MED12L: variants seen among roughly 807,000 people sequenced by gnomAD.
MED12L encodes the protein mediator complex subunit 12L, also known as mediator of RNA polymerase II transcription subunit 12-like protein.
MED12L carries 60 observed loss-of-function variants against 281.3 expected under a neutral mutation model. The ratio of observed to expected loss-of-function variants is 0.21; its 90% CI spans 0.17 to 0.26. The LOEUF (loss-of-function observed/expected upper bound fraction) is 0.26. Ranked by LOEUF, MED12L falls within the 10% of genes least tolerant of loss-of-function variation. The pLI is 1.00. For synonymous variants in MED12L, 974 were observed against 987.2 expected (o/e 0.99, Z 0.25); for missense variants, 2,146 against 2,680.9 (o/e 0.80, Z 4.41).
At chr3:151,174,399 T>C (rs2149024291) in intron 11 of MED12L, among the ~76,000 whole-genome samples, 1 of 152,342 alleles carries the variant, frequency 6.6e-6, no homozygotes, top group Middle Eastern at 3.4e-3. Flanking sequence ...AGAATCATTT[T>C]TTGTTAAAGT....
chr3:151,309,108 A>G (rs73869191), intron 16 of MED12L, among the ~76,000 whole-genome samples: 1,437 of 141,522 alleles, frequency 0.01, 21 homozygotes, highest in African/African-American at 0.038. Context: ...AACTCATTTC[A>G]TGAAATACAC....
rs532094759 is a variant in MED12L, at chr3:151,166,758, C to A, written c.1494+776C>A. Among the ~76,000 whole-genome samples, 26 of 152,098 alleles carry A rather than the reference C, an allele frequency of 1.7e-4. 1 individual carries two copies. Among genetic ancestry groups the A allele is most frequent in the African/African-American group, 6.3e-4 (26 of 41,494 alleles). ...TGGTGCAATCTCGGCTCACTGCAAC[C>A]TCTGCCTCCTGGGTTCAAGTGATTT... On this transcript the variant is annotated intron_variant, in intron 11 of 44. Coordinates refer to ENST00000687756, the MANE Select transcript of MED12L (RefSeq NM_001393769.1).
intron 16 of MED12L, chr3:151,337,034 A>C (rs966257535): frequency 6.6e-6 from 1 of 152,250 alleles, no homozygotes; most frequent in Non-Finnish European, 1.5e-5. Flanking sequence ...GCTAATTAAT[A>C]AAGGTAAGTG....
At chr3:151,330,037 A>G (rs576834769) in intron 16 of MED12L, among the ~76,000 whole-genome samples, 8 of 152,176 alleles carry the variant, frequency 5.3e-5, no homozygotes, top group African/African-American at 1.9e-4. Context: ...GGTGAAGACT[A>G]TTAGATCCAG....
intron 16 of MED12L, among the ~76,000 whole-genome samples, chr3:151,320,612 TCTGCTTTACACGAA>T (rs1445200218): frequency 1.1e-4 from 17 of 152,168 alleles, no homozygotes; most frequent in Non-Finnish European, 2.1e-4. Flanking sequence ...ATCTATCAGG[TCTGCTTTACACGAA>T]ACACCTTTTT....
chr3:151,333,137 A>G (rs946113227), intron 16 of MED12L, among the ~76,000 whole-genome samples: 3 of 152,202 alleles, frequency 2.0e-5, no homozygotes, highest in African/African-American at 4.8e-5. Context: ...TTCTTTATCC[A>G]GTATACCAAT....
intron 17 of MED12L, 99 bp downstream of exon 17, chr3:151,350,305 G>A (rs1031215816): frequency 1.3e-4 from 156 of 1,160,532 alleles, no homozygotes; most frequent in Middle Eastern, 8.8e-4. Context: ...TCAACAGAGC[G>A]TTTCCCCTCC....
intron 2 of MED12L, among the ~76,000 whole-genome samples, chr3:151,106,916 A>G (rs551348530): frequency 6.6e-6 from 1 of 152,144 alleles, no homozygotes; most frequent in East Asian, 1.9e-4. Context: ...TATTTAAAGT[A>G]TGTCTTTATA....
chr3:151,244,835 T>G lies in MED12L; in HGVS notation c.2250+51169T>G, dbSNP rs888371833. ...AAAATTAATGAATCCAGGAGCTGGT[T>G]TTTTTGAAAGGATCAACAAAATTGA... On this transcript the variant is annotated intron_variant, in intron 16 of 44. Transcript: ENST00000687756. Among the ~76,000 whole-genome samples the G allele has an allele frequency of 3.9e-5, 6 of 152,204 alleles. No individual in the cohort carries two copies. In the East Asian group the frequency reaches 1.2e-3, roughly 29 times the overall value.
chr3:151,092,131 T>C (rs1385636550), intron 2 of MED12L, among the ~76,000 whole-genome samples: 1 of 152,178 alleles, frequency 6.6e-6, no homozygotes, highest in African/African-American at 2.4e-5. Context: ...GCCTCTCTCT[T>C]CTTCCAACAG....
At position 151,299,557 on chromosome 3, in the gene MED12L, C is replaced by A. The variant is rs182141273; in HGVS notation, c.2251-50502C>A. On this transcript the variant is annotated intron_variant, in intron 16 of 44. Transcript: ENST00000687756. The stretch of plus-strand genomic sequence containing the variant: ...ACAGTGGTGCGATCTCAGCTCACTG[C>A]AACCTCTGTCTGCTGGGTTCAAGCG... Among the ~76,000 whole-genome samples the A allele has an allele frequency of 4.4e-4, 67 of 151,422 alleles. 1 individual carries two copies. Among genetic ancestry groups the A allele is most frequent in the Admixed American group, 4.1e-3 (62 of 15,122 alleles).
intron 5 of MED12L, among the ~76,000 whole-genome samples, chr3:151,145,023 G>A (rs758242181): frequency 3.9e-5 from 6 of 152,104 alleles, no homozygotes; most frequent in African/African-American, 1.2e-4. Flanking sequence ...CCCTCGCTCT[G>A]TGCCAGTCAC....
chr3:151,314,895 GATAAT>G (rs1365565112), intron 16 of MED12L, among the ~76,000 whole-genome samples: 1 of 152,210 alleles, frequency 6.6e-6, no homozygotes, highest in Non-Finnish European at 1.5e-5. Flanking sequence ...AAGTCACACT[GATAAT>G]ATTTGGTACA....
At chr3:151,219,663 A>C (rs1728936753) in intron 16 of MED12L, 1 of 152,236 alleles carries the variant, frequency 6.6e-6, no homozygotes, top group Admixed American at 6.5e-5. Flanking sequence ...CAAAACAAAA[A>C]ACCAAAGATT....
chr3:151,397,816 A>T (rs1333764831), intron 39 of MED12L, among the ~76,000 whole-genome samples: 1 of 152,208 alleles, frequency 6.6e-6, no homozygotes, highest in Non-Finnish European at 1.5e-5. Context: ...GTAAGTAGAT[A>T]TGTTTTTATT....
chr3:151,155,206 G>A (rs1008797351), intron 5 of MED12L, among the ~76,000 whole-genome samples: 1 of 152,208 alleles, frequency 6.6e-6, no homozygotes, highest in Non-Finnish European at 1.5e-5. Context: ...TTTCAGTAGG[G>A]TGTTTTCTTC....
chr3:151,174,411 CAAAT>C (rs1171463712), intron 11 of MED12L, among the ~76,000 whole-genome samples: 1 of 152,136 alleles, frequency 6.6e-6, no homozygotes, highest in Non-Finnish European at 1.5e-5. Context: ...TGTTAAAGTG[CAAAT>C]AAATGACAAA....
intron 11 of MED12L, among the ~76,000 whole-genome samples, chr3:151,178,091 G>A (rs1013683093): frequency 1.4e-5 from 2 of 146,490 alleles, no homozygotes; most frequent in Admixed American, 7.0e-5. Flanking sequence ...CTGGAAGGTG[G>A]AGGTTGCAGT....
At chr3:151,138,562 C>T (rs988037819) in intron 5 of MED12L, among the ~76,000 whole-genome samples, 2 of 152,148 alleles carry the variant, frequency 1.3e-5, no homozygotes, top group African/African-American at 4.8e-5. Flanking sequence ...TCTCATATCT[C>T]CCTAGGCTTC....
Sources: allele counts gnomAD v4.1 joint callset (sites outside exome capture counted in the v4.1 genomes callset), GRCh38; gene constraint gnomAD v4.1.1; transcripts MANE v1.5; gene names NCBI Gene and HGNC (gene_info 2026-07-23, HGNC 2026-07-21).